The following LRP1B variants were observed in gnomAD, a reference collection of about 807,000 sequenced individuals.
The protein encoded by LRP1B is LDL receptor related protein 1B, also known as low-density lipoprotein receptor-related protein 1B.
Under a neutral mutation model 556.6 loss-of-function variants are expected in LRP1B, and 217 were observed. That is an observed-to-expected ratio of 0.39 (90% CI 0.35 to 0.44). LRP1B has a LOEUF of 0.44. LRP1B is among the 20% of genes least tolerant of loss of function. LRP1B has a pLI of 1.00. For missense variants in LRP1B, 5,053 were observed against 5,620.8 expected, an observed-to-expected ratio of 0.90 and a Z score of 3.23; for synonymous variants, 2,047 against 1,865.8, an observed-to-expected ratio of 1.10 and a Z score of -2.50.
chr2:140,608,928 C>A (rs1682968570), intron 41 of LRP1B, among the ~76,000 whole-genome samples: 1 of 152,084 alleles, frequency 6.6e-6, no homozygotes, highest in Non-Finnish European at 1.5e-5. Context: ...TCAGACTCAG[C>A]TGAAAATTAT....
intron 41 of LRP1B, among the ~76,000 whole-genome samples, chr2:140,696,271 T>C (rs1032048621): frequency 4.6e-5 from 7 of 152,142 alleles, no homozygotes; most frequent in African/African-American, 1.7e-4. Flanking sequence ...TTTTCTTTTT[T>C]GGTCTGGCAA....
chr2:141,181,598 G>A (rs936165457), intron 7 of LRP1B, among the ~76,000 whole-genome samples: 4 of 151,796 alleles, frequency 2.6e-5, no homozygotes, highest in East Asian at 3.9e-4. Flanking sequence ...AATGTGGAAC[G>A]TTTTTGCATT....
intron 43 of LRP1B, among the ~76,000 whole-genome samples, chr2:140,567,233 C>T (rs1681160105): frequency 6.6e-6 from 1 of 152,112 alleles, no homozygotes; most frequent in Non-Finnish European, 1.5e-5. Flanking sequence ...CCCCAGGGTC[C>T]AAGCAACAGC....
At chr2:141,234,346 T>G (rs950237057) in intron 5 of LRP1B, among the ~76,000 whole-genome samples, 11 of 152,126 alleles carry the variant, frequency 7.2e-5, no homozygotes, top group African/African-American at 2.7e-4. Context: ...GCATGAAATC[T>G]GTAAAAGGGC....
At chr2:140,577,276 A>G (rs567238471) in intron 43 of LRP1B, among the ~76,000 whole-genome samples, 1 of 152,196 alleles carries the variant, frequency 6.6e-6, no homozygotes, top group African/African-American at 2.4e-5. Context: ...CAAGGTCAAG[A>G]GATCCGGACC....
chr2:140,351,157 T>TCA, intron 76 of LRP1B, 119 bp from the exon 77 acceptor site: 1 of 672,926 alleles, frequency 1.5e-6, no homozygotes. Context: ...TCCTCAAAAA[T>TCA]CAACCAGTTT....
rs60142677 is a variant in LRP1B at position 141,340,796 on chromosome 2, C to T, written c.344-86155G>A. The stretch of plus-strand genomic sequence containing the variant: ...TTTCAGTAATACTTATTTTAAGTTG[C>T]CATGACTTAAATAGTTTTGCCTCTG... On this transcript the variant is annotated intron_variant, in intron 3 of 90. Coordinates refer to ENST00000389484, the MANE Select transcript of LRP1B (RefSeq NM_018557.3). Among the ~76,000 whole-genome samples the T allele has an allele frequency of 7.4e-3, 1,132 of 152,228 alleles. 12 individuals carry two copies. Among genetic ancestry groups the T allele is most frequent in the African/African-American group, 0.025 (1,031 of 41,534 alleles).
At chr2:140,515,700 T>C (rs1210917212) in intron 50 of LRP1B, among the ~76,000 whole-genome samples, 1 of 152,014 alleles carries the variant, frequency 6.6e-6, no homozygotes, top group African/African-American at 2.4e-5. Flanking sequence ...TATGATCAGA[T>C]AATGGCCAGT....
intron 2 of LRP1B, among the ~76,000 whole-genome samples, chr2:141,765,663 G>A (rs1025609661): frequency 2.4e-4 from 36 of 152,116 alleles, no homozygotes; most frequent in Admixed American, 2.1e-3. Context: ...CATTTTGCCC[G>A]GAAAGAAACT....
chr2:140,622,684 G>A (rs961046322), intron 41 of LRP1B, among the ~76,000 whole-genome samples: 2 of 152,018 alleles, frequency 1.3e-5, no homozygotes, highest in Non-Finnish European at 2.9e-5. Flanking sequence ...GAAATCATTC[G>A]GAACAGAAAG....
intron 1 of LRP1B, among the ~76,000 whole-genome samples, chr2:141,927,186 G>C (rs1455237132): frequency 6.6e-6 from 1 of 150,466 alleles, no homozygotes; most frequent in Non-Finnish European, 1.5e-5. Flanking sequence ...GAAAGAAAAT[G>C]ATGACCCATT....
At chr2:141,615,566 A>G (rs201999689) in intron 2 of LRP1B, among the ~76,000 whole-genome samples, 1 of 87,970 alleles carries the variant, frequency 1.1e-5, no homozygotes, top group African/African-American at 3.0e-5. Context: ...TATATTTAAT[A>G]TAATTCTTGA....
chr2:140,721,418 A>T (rs1687394491), intron 35 of LRP1B, among the ~76,000 whole-genome samples: 1 of 152,066 alleles, frequency 6.6e-6, no homozygotes. Flanking sequence ...GTTGACATTT[A>T]AAAAAATTAT....
intron 35 of LRP1B, among the ~76,000 whole-genome samples, chr2:140,764,925 A>C (rs1689049750): frequency 6.6e-6 from 1 of 152,154 alleles, no homozygotes; most frequent in Admixed American, 6.6e-5. Flanking sequence ...ATGGTGTAAA[A>C]AAATAATAAA....
rs1334389451 is a variant in LRP1B, at chr2:140,905,813, C to T, written c.3520+2064G>A. On this transcript the variant is annotated intron_variant, in intron 22 of 90. Transcript: ENST00000389484. ...TACTAATGAGTAAAATCTTTACTTA[C>T]TGTTTTACTAGTTAGCATCTGGCTT... 2.0e-5 allele frequency among the ~76,000 whole-genome samples: 3 copies of T among 152,232 alleles called. No individual in the cohort carries two copies. In the East Asian group the frequency reaches 5.8e-4, roughly 29 times the overall value.
At chr2:141,888,436 A>G (rs1024566572) in intron 1 of LRP1B, among the ~76,000 whole-genome samples, 5 of 151,934 alleles carry the variant, frequency 3.3e-5, no homozygotes, top group African/African-American at 1.2e-4. Context: ...GCAGTTTTCA[A>G]CTCCATCTGC....
chr2:141,301,585 A>G (rs1193265930), intron 3 of LRP1B, among the ~76,000 whole-genome samples: 1 of 152,044 alleles, frequency 6.6e-6, no homozygotes, highest in African/African-American at 2.4e-5. Context: ...TCTTATTCTC[A>G]TTTTCCAAAT....
At position 141,242,956 on chromosome 2, in the gene LRP1B, C is replaced by G. The variant is rs540000763; in HGVS notation, c.592+4270G>C. ...GCTTTCAGCCCCAAGTTTTCACATT[C>G]AATACATATTTTTATATCAAATTCA... On this transcript the variant is annotated intron_variant, in intron 5 of 90. Transcript: ENST00000389484. Among the ~76,000 whole-genome samples the G allele has an allele frequency of 3.3e-5, 5 of 152,078 alleles. No homozygotes were observed. In the South Asian group the frequency reaches 1.0e-3, roughly 32 times the overall value.
chr2:141,887,906 G>A (rs1015418249), intron 1 of LRP1B, among the ~76,000 whole-genome samples: 2 of 152,160 alleles, frequency 1.3e-5, no homozygotes, highest in African/African-American at 4.8e-5. Context: ...GAATAATAAT[G>A]TAAGCTTGAT....
Sources: gnomAD v4.1 joint callset for allele counts (sites outside exome capture counted in the v4.1 genomes callset) on GRCh38, gnomAD v4.1.1 for gene constraint, MANE v1.5 for transcripts, NCBI Gene and HGNC (gene_info 2026-07-23, HGNC 2026-07-21) for gene names.